CACNA1B: variants seen among roughly 807,000 people sequenced by gnomAD.
CACNA1B encodes the protein calcium voltage-gated channel subunit alpha1 B.
A neutral mutation model predicts 247.2 loss-of-function variants in CACNA1B; 70 were observed. The observed-to-expected ratio is 0.28, with a 90% CI of 0.23 to 0.35. The LOEUF (loss-of-function observed/expected upper bound fraction) is 0.35. Ranked by LOEUF, CACNA1B falls within the 10% of genes least tolerant of loss-of-function variation. The probability of loss-of-function intolerance (pLI) is 1.00; values close to 1 mark genes in which losing one functional copy is unlikely to be tolerated. For missense variants in CACNA1B, 2,367 were observed against 3,197.4 expected, an observed-to-expected ratio of 0.74 and a Z score of 6.26; for synonymous variants, 1,231 against 1,294.4, an observed-to-expected ratio of 0.95 and a Z score of 1.05.
At chr9:137,906,647 A>C (rs572679019) in intron 3 of CACNA1B, among the ~76,000 whole-genome samples, 3 of 152,142 alleles carry the variant, frequency 2.0e-5, no homozygotes, top group Non-Finnish European at 4.4e-5. Flanking sequence ...GTGATGTCTT[A>C]TTTAACATAC....
At chr9:138,118,128 A>C (rs1961937043) in intron 43 of CACNA1B, 47 bp downstream of exon 43, 2 of 1,028,114 alleles carry the variant, frequency 1.9e-6, no homozygotes, top group Non-Finnish European at 2.5e-6. Flanking sequence ...GGATGTGTGA[A>C]CAGGGATGGG....
At chr9:137,951,799 C>G (rs1225300908) in intron 6 of CACNA1B, among the ~76,000 whole-genome samples, 12 of 152,194 alleles carry the variant, frequency 7.9e-5, no homozygotes, top group Admixed American at 7.9e-4. Context: ...CCCACTGTTG[C>G]CTCTCAGCTG....
At chr9:138,090,111 C>A (rs1343643226) in intron 36 of CACNA1B, among the ~76,000 whole-genome samples, 1 of 151,850 alleles carries the variant, frequency 6.6e-6, no homozygotes, top group Admixed American at 6.6e-5. Context: ...CACAAAAGAC[C>A]CTGGATAGCT....
At position 137,957,765 on chromosome 9, in the gene CACNA1B, C is replaced by A. The variant is rs1415326556; in HGVS notation, c.1333+78C>A. Reference sequence around the variant, plus strand: ...TGCATGCTCCGCTTCCCCTGCTACCCAGCCACTGTTGGACGCCCCTTCTTG... The same window carrying A: ...TGCATGCTCCGCTTCCCCTGCTACCAAGCCACTGTTGGACGCCCCTTCTTG... On this transcript the variant is annotated intron_variant, in intron 10 of 46. Transcript: ENST00000371372. This position sits in a 1 kb window ranked among gnomAD's most constrained non-coding sequence, Gnocchi z 4.7. 6.6e-6 allele frequency: 7 copies of A among 1,057,170 alleles called. No individual in the cohort carries two copies. In the East Asian group the frequency reaches 2.0e-4, roughly 30 times the overall value. The allele number at this position is 1,057,170 out of a possible 1,614,324, so 65.5% of individuals were successfully genotyped here.
At position 137,882,249 on chromosome 9, in the gene CACNA1B, G is replaced by C. The variant is rs1442206308; in HGVS notation, c.391-495G>C. 5.3e-5 allele frequency among the ~76,000 whole-genome samples: 8 copies of C among 152,332 alleles called. 1 individual carries two copies. The highest frequency in any genetic ancestry group is 1.7e-4 in the African/African-American group (7 of 41,574). On this transcript the variant is annotated intron_variant, in intron 2 of 46. Coordinates refer to ENST00000371372, the MANE Select transcript of CACNA1B (RefSeq NM_000718.4). This position sits in a 1 kb window ranked among gnomAD's most constrained non-coding sequence, Gnocchi z 4.0. Reference sequence around the variant, plus strand: ...CAGAGGCTGCTGTGGCCTCTGCCTGGCTCCTGGGCATCTCTGTGCCTCTGT... The same window carrying C: ...CAGAGGCTGCTGTGGCCTCTGCCTGCCTCCTGGGCATCTCTGTGCCTCTGT...
At chr9:138,030,303 TGTG>T (rs1958973633) in intron 20 of CACNA1B, among the ~76,000 whole-genome samples, 1 of 152,176 alleles carries the variant, frequency 6.6e-6, no homozygotes, top group African/African-American at 2.4e-5. Context: ...AAAGAATTTT[TGTG>T]GTGAGTGGAT....
At chr9:137,930,261 A>T (rs1957594207) in intron 6 of CACNA1B, among the ~76,000 whole-genome samples, 1 of 152,202 alleles carries the variant, frequency 6.6e-6, no homozygotes, top group South Asian at 2.1e-4. Context: ...GCACTGCTTT[A>T]GCTGTGTCCT....
intron 15 of CACNA1B, among the ~76,000 whole-genome samples, chr9:137,991,042 C>A (rs1311460464): frequency 6.6e-6 from 1 of 152,058 alleles, no homozygotes; most frequent in South Asian, 2.1e-4. Context: ...TTAAACACCC[C>A]CAGAAGATCA....
intron 6 of CACNA1B, among the ~76,000 whole-genome samples, chr9:137,926,068 CTTT>C (rs71387875): frequency 6.7e-5 from 7 of 105,190 alleles, no homozygotes; most frequent in Admixed American, 2.2e-4. Flanking sequence ...TTTTTCCTTT[CTTT>C]TTTTTTTTTT....
chr9:138,043,894 C>T lies in CACNA1B; in HGVS notation c.3407C>T (p.Thr1136Ile). 1 of 1,613,416 alleles carries T rather than the reference C, an allele frequency of 6.2e-7. No individual in the cohort carries two copies. The highest frequency in any genetic ancestry group is 8.5e-7 in the Non-Finnish European group (1 of 1,179,386). Reference sequence around the variant, plus strand: ...AGCTCCATGTTCTGTTTAAGCCCCACCAACCTGTGAGTCTCCTTGCCTGCT... The same window carrying T: ...AGCTCCATGTTCTGTTTAAGCCCCATCAACCTGTGAGTCTCCTTGCCTGCT... ...PYSSMFCLSPTNLLRRFCHYI... is the reference protein window; with the variant it reads ...PYSSMFCLSPINLLRRFCHYI... The change falls in exon 21 of 47, where the codon ACC (threonine) becomes ATC (isoleucine). Residue 1136 changes from threonine (T) to isoleucine (I), a missense_variant. Thr to Ile is a moderately conservative substitution (Grantham distance 89). Coordinates refer to ENST00000371372, the MANE Select transcript of CACNA1B (RefSeq NM_000718.4).
In CACNA1B at chr9:137,971,414, C is replaced by A; in HGVS notation, c.1365C>A (p.Ser455Arg). 1 of 1,613,180 alleles carries A rather than the reference C, an allele frequency of 6.2e-7. No homozygotes were observed. ...GSPFARASLK[S>R]GKTESSSYFR... is the part of the protein sequence containing the mutation. ...CCTTCGCCCGCGCCAGCCTCAAGAG[C>A]GGGAAGACAGAGAGCTCGTCATACT... The change falls in exon 11 of 47, where the codon AGC becomes AGA. Residue 455 changes from serine to arginine, a missense_variant. Ser to Arg is a moderately radical substitution (Grantham distance 110, BLOSUM62 -1). Around this residue, in one of 12 missense-constraint regions of CACNA1B, gnomAD observed 219 missense variants for 297.6 expected, o/e 0.74. Transcript: ENST00000371372. The surrounding 1 kb of genome is among the most constrained non-coding windows in gnomAD (Gnocchi z 4.4).
In CACNA1B at chr9:138,051,759, T is replaced by G. The variant is rs1959289635; in HGVS notation, c.3711-333T>G. On this transcript the variant is annotated intron_variant, in intron 24 of 46. Coordinates refer to ENST00000371372, the MANE Select transcript of CACNA1B (RefSeq NM_000718.4). This position sits in a 1 kb window ranked among gnomAD's most constrained non-coding sequence, Gnocchi z 4.3. ...GCTTGTGGGCTCCCACTTCTGGGTCTGCAGTCCTCGTGCGGGTCTCTTCTG... is the reference window on the plus strand; with the variant it reads ...GCTTGTGGGCTCCCACTTCTGGGTCGGCAGTCCTCGTGCGGGTCTCTTCTG... Among the ~76,000 whole-genome samples the G allele has an allele frequency of 6.6e-6, 1 of 152,202 alleles. No individual in the cohort carries two copies. Among genetic ancestry groups the G allele is most frequent in the African/African-American group, 2.4e-5 (1 of 41,466 alleles).
At chr9:138,103,081 G>C (rs1961308127) in intron 38 of CACNA1B, among the ~76,000 whole-genome samples, 1 of 152,196 alleles carries the variant, frequency 6.6e-6, no homozygotes, top group African/African-American at 2.4e-5. Context: ...GGCTCAGGAA[G>C]ACAGAACTAG....
At position 138,057,462 on chromosome 9, in the gene CACNA1B, G is replaced by A. The variant is rs1959553256; in HGVS notation, c.3969-270G>A. On this transcript the variant is annotated intron_variant, in intron 26 of 46. Coordinates refer to ENST00000371372, the MANE Select transcript of CACNA1B (RefSeq NM_000718.4). The surrounding 1 kb of genome is among the most constrained non-coding windows in gnomAD (Gnocchi z 4.0). Reference sequence around the variant, plus strand: ...CATCTAAGGCTCCATTCCCAGATTCGAGGTCACGAAGTTTTGCCCCCGTTT... The same window carrying A: ...CATCTAAGGCTCCATTCCCAGATTCAAGGTCACGAAGTTTTGCCCCCGTTT... Among the ~76,000 whole-genome samples, 1 of 152,070 alleles carries A rather than the reference G, an allele frequency of 6.6e-6. No homozygotes were observed. Among genetic ancestry groups the A allele is most frequent in the African/African-American group, 2.4e-5 (1 of 41,384 alleles).
At chr9:137,967,800 C>T (rs960992443) in intron 10 of CACNA1B, among the ~76,000 whole-genome samples, 1 of 152,214 alleles carries the variant, frequency 6.6e-6, no homozygotes, top group East Asian at 1.9e-4. Context: ...AGGCTCAGGG[C>T]CCCTCTGGCG....
In CACNA1B at chr9:138,067,622, C is replaced by A. The variant is rs1042855525; in HGVS notation, c.4669-2136C>A. Among the ~76,000 whole-genome samples, 4 of 152,328 alleles carry A rather than the reference C, an allele frequency of 2.6e-5. No individual in the cohort carries two copies. In the East Asian group the frequency reaches 7.7e-4, roughly 29 times the overall value. On this transcript the variant is annotated intron_variant, in intron 31 of 46. Coordinates refer to ENST00000371372, the MANE Select transcript of CACNA1B (RefSeq NM_000718.4). ...GCTGAGGCACAAGAATCGCTTGAAC[C>A]CAGGAGGTGGAGGTCACAGGGAGCC...
At chr9:138,038,424 C>T (rs1414062064) in intron 20 of CACNA1B, among the ~76,000 whole-genome samples, 1 of 152,102 alleles carries the variant, frequency 6.6e-6, no homozygotes, top group Non-Finnish European at 1.5e-5. Context: ...GTGGATTCCA[C>T]CCCCCCACCC....
At chr9:137,960,195 T>G (rs1187160557) in intron 10 of CACNA1B, among the ~76,000 whole-genome samples, 232 of 5,328 alleles carry the variant, frequency 0.044, no homozygotes, top group African/African-American at 0.053. Context: ...TTGGCCTGAG[T>G]GAGGGGGAGG....
intron 15 of CACNA1B, among the ~76,000 whole-genome samples, chr9:137,994,208 A>G (rs1053070770): frequency 6.6e-6 from 1 of 152,246 alleles, no homozygotes; most frequent in Non-Finnish European, 1.5e-5. Flanking sequence ...TAATGTAATA[A>G]AAGCCACCTG....
Sources: gnomAD v4.1 joint callset for allele counts (sites outside exome capture counted in the v4.1 genomes callset) on GRCh38, gnomAD v4.1.1 for gene constraint, gnomAD v4.1.1 regional missense constraint, Gnocchi (gnomAD v3.1) non-coding constraint, MANE v1.5 for transcripts, NCBI Gene and HGNC (gene_info 2026-07-23, HGNC 2026-07-21) for gene names.